NFYA: variants seen among roughly 807,000 people sequenced by gnomAD.
The protein encoded by NFYA is CAAT-box DNA binding protein subunit A.
A neutral mutation model predicts 52.8 loss-of-function variants in NFYA; 28 were observed. That is an observed-to-expected ratio of 0.53 (90% confidence interval 0.39 to 0.73). NFYA has a LOEUF of 0.73. Among genes scored for constraint, NFYA ranks in the 30% least tolerant of loss-of-function variants. The pLI is 0.00. For missense variants in NFYA, 234 were observed against 427.0 expected (o/e 0.55, Z 3.98); for synonymous variants, 150 against 150.7 (o/e 1.00, Z 0.03).
At position 41,089,531 on chromosome 6, in the gene NFYA, G is replaced by C. The variant is rs772826119; in HGVS notation, c.310-48G>C. The C allele has an allele frequency of 2.0e-6, 3 of 1,505,296 alleles. No individual in the cohort carries two copies. The South Asian group carries it at 3.9e-5, about 20-fold the overall frequency. The allele number at this position is 1,505,296 out of a possible 1,614,324, so 93.2% of individuals were successfully genotyped here. On this transcript the variant is annotated intron_variant, in intron 4 of 9. Coordinates refer to ENST00000341376, the MANE Select transcript of NFYA (RefSeq NM_002505.5). ...TGGATAACTCTCGGGGACCAAAGGAGACCAGTGTCAGTAGAGTACAATCCT... is the reference window on the plus strand; with the variant it reads ...TGGATAACTCTCGGGGACCAAAGGACACCAGTGTCAGTAGAGTACAATCCT...
At chr6:41,089,755 A>G (rs1226174425) in intron 5 of NFYA, 45 bp downstream of exon 5, 7 of 1,594,700 alleles carry the variant, frequency 4.4e-6, no homozygotes, top group Admixed American at 1.7e-5. Flanking sequence ...CTGATTTGGA[A>G]GAGTCAGATA....
At position 41,101,423 on chromosome 6, in the gene NFYA, C is replaced by T. The variant is rs546415609; in HGVS notation, c.*4013C>T. ...CACCCCAAAGATGATGAAATTGAAACTCAGAGGAAAGGATTTTTACAGGAC... is the reference window on the plus strand; with the variant it reads ...CACCCCAAAGATGATGAAATTGAAATTCAGAGGAAAGGATTTTTACAGGAC... On this transcript the variant is annotated 3_prime_UTR_variant, in exon 10 of 10. Transcript: ENST00000341376. Among the ~76,000 whole-genome samples, 1 of 152,306 alleles carries T rather than the reference C, an allele frequency of 6.6e-6. No homozygotes were observed. The highest frequency in any genetic ancestry group is 1.5e-5 in the Non-Finnish European group (1 of 68,022).
chr6:41,079,836 C>T (rs570778150), intron 2 of NFYA, among the ~76,000 whole-genome samples: 5 of 152,204 alleles, frequency 3.3e-5, no homozygotes, highest in Admixed American at 3.3e-4. Flanking sequence ...TTTGGAAATA[C>T]TTTGTTTTCA....
Position 41,090,320 on chromosome 6 carries a change from C to T in NFYA, c.547+11C>T. The T allele has an allele frequency of 6.3e-7, 1 of 1,595,030 alleles. No individual in the cohort carries two copies. The highest frequency in any genetic ancestry group is 8.6e-7 in the Non-Finnish European group (1 of 1,163,296). ...CCATTCTCCAGCAAGGTAAGTGTAC[C>T]CATAAGCTTCCCTAGGACTTTTTGG... On this transcript the variant is annotated intron_variant, in intron 6 of 9. Coordinates refer to ENST00000341376, the MANE Select transcript of NFYA (RefSeq NM_002505.5).
In NFYA at chr6:41,093,858, G is replaced by T. The variant is rs542217534; in HGVS notation, c.889-538G>T. 2.0e-5 allele frequency among the ~76,000 whole-genome samples: 3 copies of T among 152,308 alleles called. No homozygotes were observed. The South Asian group carries it at 6.2e-4, about 32-fold the overall frequency. On this transcript the variant is annotated intron_variant, in intron 8 of 9. Coordinates refer to ENST00000341376, the MANE Select transcript of NFYA (RefSeq NM_002505.5). ...GTTACCTGATCACACCTAACATGCA[G>T]ATAAGGCTAGGAAAGTCCAGCCTGG...
At chr6:41,073,358 A>T (rs1236776389) in intron 1 of NFYA, among the ~76,000 whole-genome samples, 2 of 151,514 alleles carry the variant, frequency 1.3e-5, no homozygotes, top group Non-Finnish European at 2.9e-5. Context: ...TGCCAGGGCC[A>T]GTTGGGAATG....
chr6:41,100,224 A>C lies in NFYA; in HGVS notation c.*2814A>C, dbSNP rs894697797. On this transcript the variant is annotated 3_prime_UTR_variant, in exon 10 of 10. Coordinates refer to ENST00000341376, the MANE Select transcript of NFYA (RefSeq NM_002505.5). ...TCATACATTTGATGCTACTACTGAA[A>C]GTGTTTATCAAAATGTGATGAAGTA... 3.3e-5 allele frequency among the ~76,000 whole-genome samples: 5 copies of C among 152,294 alleles called. No individual in the cohort carries two copies. Among genetic ancestry groups the C allele is most frequent in the African/African-American group, 9.6e-5 (4 of 41,564 alleles).
chr6:41,085,339 T>C (rs1764017293), intron 4 of NFYA, among the ~76,000 whole-genome samples: 1 of 152,116 alleles, frequency 6.6e-6, no homozygotes, highest in African/African-American at 2.4e-5. Context: ...AATAAGGAAA[T>C]GGTTGGAATA....
At chr6:41,074,703 C>T (rs758105977) in intron 1 of NFYA, among the ~76,000 whole-genome samples, 1 of 152,136 alleles carries the variant, frequency 6.6e-6, no homozygotes, top group Non-Finnish European at 1.5e-5. Context: ...GTATATCTTG[C>T]TAAGGAATAT....
In NFYA at chr6:41,100,740, C is replaced by G. The variant is rs1044532560; in HGVS notation, c.*3330C>G. On this transcript the variant is annotated 3_prime_UTR_variant, in exon 10 of 10. Coordinates refer to ENST00000341376, the MANE Select transcript of NFYA (RefSeq NM_002505.5). ...CTCGATATTTATCTCACACCAACGG[C>G]TTTATCGTAGGAGCGTCTTCGCCTC... Among the ~76,000 whole-genome samples the G allele has an allele frequency of 5.9e-5, 9 of 152,252 alleles. No individual in the cohort carries two copies. Among genetic ancestry groups the G allele is most frequent in the Non-Finnish European group, 1.5e-5 (1 of 68,046 alleles).
intron 1 of NFYA, among the ~76,000 whole-genome samples, chr6:41,074,140 C>T (rs1261003222): frequency 6.6e-6 from 1 of 152,098 alleles, no homozygotes; most frequent in Admixed American, 6.5e-5. Context: ...CTTCGCCTTT[C>T]TATGTTACTT....
At chr6:41,075,024 C>G (rs1320634089) in intron 1 of NFYA, among the ~76,000 whole-genome samples, 1 of 152,190 alleles carries the variant, frequency 6.6e-6, no homozygotes, top group East Asian at 1.9e-4. Context: ...TCTTTCATTA[C>G]TAAAACTTCG....
At chr6:41,086,014 C>T (rs1474429787) in intron 4 of NFYA, among the ~76,000 whole-genome samples, 1 of 152,164 alleles carries the variant, frequency 6.6e-6, no homozygotes, top group Non-Finnish European at 1.5e-5. Context: ...ATAGTTTTCA[C>T]ATTTCTCTTT....
Position 41,089,697 on chromosome 6 carries a change from C to A in NFYA, c.428C>A (p.Ala143Asp), listed in dbSNP as rs1764150294. 1 of 1,612,216 alleles carries A rather than the reference C, an allele frequency of 6.2e-7. No individual in the cohort carries two copies. Among genetic ancestry groups the A allele is most frequent in the Non-Finnish European group, 8.5e-7 (1 of 1,179,724 alleles). ...IIQQPQTAVT[A>D]GQTQTQQQIA... ...CAGCAGCCCCAGACGGCTGTCACTG[C>A]TGGCCAGACTCAGGTAATTCCACTA... Residue 143 changes from alanine (A) to aspartate (D), a missense_variant, in exon 5 of 10, where the codon GCT becomes GAT. Ala to Asp is a moderately radical substitution (Grantham distance 126). This residue lies in a region of NFYA where 118 missense variants were observed against 182.4 expected (regional missense o/e 0.65). Coordinates refer to ENST00000341376, the MANE Select transcript of NFYA (RefSeq NM_002505.5).
In NFYA at chr6:41,091,659, G is replaced by T. The variant is rs1381986611; in HGVS notation, c.679G>T (p.Ala227Ser). ...QGTVTVTLPV[A>S]GNVVNSGGMV... ...GACTGTCACTGTGACACTACCAGTG[G>T]CAGGCAATGTGGTCAATTCAGGAGG... The change falls in exon 7 of 10, where the codon GCA (alanine) becomes TCA (serine). Residue 227 changes from alanine to serine, a missense_variant. This residue lies in a region of NFYA where 81 missense variants were observed against 210.5 expected (regional missense o/e 0.38). Coordinates refer to ENST00000341376, the MANE Select transcript of NFYA (RefSeq NM_002505.5). The T allele has an allele frequency of 1.2e-6, 2 of 1,614,042 alleles. No individual in the cohort carries two copies. Among genetic ancestry groups the T allele is most frequent in the South Asian group, 2.2e-5 (2 of 91,094 alleles).
intron 1 of NFYA, among the ~76,000 whole-genome samples, chr6:41,073,553 G>C (rs1181233877): frequency 2.0e-5 from 3 of 152,008 alleles, no homozygotes; most frequent in Non-Finnish European, 4.4e-5. Flanking sequence ...AAGCCTCCCC[G>C]GGGCCCGCGC....
chr6:41,084,733 C>G (rs1763995308), intron 4 of NFYA, among the ~76,000 whole-genome samples: 1 of 152,194 alleles, frequency 6.6e-6, no homozygotes, highest in Admixed American at 6.5e-5. Flanking sequence ...GAGGCCAAGG[C>G]AGGTGGATCA....
At chr6:41,090,433 A>G in intron 6 of NFYA, 124 bp downstream of exon 6, 1 of 581,194 alleles carries the variant, frequency 1.7e-6, no homozygotes, top group Non-Finnish European at 3.1e-6. Flanking sequence ...AAAAAAAAAA[A>G]AGATTTCCTC....
intron 8 of NFYA, among the ~76,000 whole-genome samples, chr6:41,093,352 A>AT (rs1197555180): frequency 9.2e-5 from 14 of 152,110 alleles, no homozygotes; most frequent in Non-Finnish European, 5.9e-5. Flanking sequence ...CTGGTAGCAC[A>AT]TTTTCACAGT....
Sources: gnomAD v4.1 joint callset for allele counts (sites outside exome capture counted in the v4.1 genomes callset) on GRCh38, gnomAD v4.1.1 for gene constraint, gnomAD v4.1.1 regional missense constraint, MANE v1.5 for transcripts, NCBI Gene and HGNC (gene_info 2026-07-23, HGNC 2026-07-21) for gene names.